Variants in THSD7B observed in about 807,000 individuals in gnomAD.
THSD7B encodes thrombospondin type 1 domain containing 7B, also known as thrombospondin type-1 domain-containing protein 7B.
Under a neutral mutation model 213.6 loss-of-function variants are expected in THSD7B, and 138 were observed. The ratio of observed to expected loss-of-function variants is 0.65; its 90% confidence interval spans 0.56 to 0.74. The LOEUF (loss-of-function observed/expected upper bound fraction) is 0.74. Among genes scored for constraint, THSD7B ranks in the 30% least tolerant of loss-of-function variants. The pLI, the probability that THSD7B is intolerant of heterozygous loss-of-function variation, is 0.00. For missense variants in THSD7B, 1,931 were observed against 1,991.5 expected (o/e 0.97, Z 0.58); for synonymous variants, 742 against 687.0 (o/e 1.08, Z -1.25).
intron 12 of THSD7B, among the ~76,000 whole-genome samples, chr2:137,342,102 G>A (rs554681118): frequency 6.6e-6 from 1 of 151,578 alleles, no homozygotes; most frequent in African/African-American, 2.4e-5. Context: ...TTTGGGTAGT[G>A]TGGACATTTT....
In THSD7B at chr2:137,138,903, C is replaced by T. The variant is rs796198166; in HGVS notation, c.1370-21310C>T. The stretch of plus-strand genomic sequence containing the variant: ...GCTCAGCAAGTCTTGGTGTCATTTG[C>T]AATATCTTATTTACCTCCTTTTGTT... On this transcript the variant is annotated intron_variant, in intron 5 of 27. Transcript: ENST00000409968. Among the ~76,000 whole-genome samples the T allele has an allele frequency of 5.3e-5, 8 of 152,208 alleles. No individual in the cohort carries two copies. In the East Asian group the frequency reaches 7.7e-4, roughly 15 times the overall value.
intron 1 of THSD7B, among the ~76,000 whole-genome samples, chr2:136,777,651 A>G (rs547069187): frequency 6.6e-6 from 1 of 152,324 alleles, no homozygotes; most frequent in South Asian, 2.1e-4. Flanking sequence ...CAAAATAACT[A>G]CTGAAGATTT....
At chr2:137,556,141 T>C (rs1680960472) in intron 15 of THSD7B, among the ~76,000 whole-genome samples, 1 of 151,990 alleles carries the variant, frequency 6.6e-6, no homozygotes. Flanking sequence ...CAGGAGAACT[T>C]CCCCAACCTA....
chr2:137,073,509 A>G lies in THSD7B; in HGVS notation c.950+16279A>G, dbSNP rs192743015. On this transcript the variant is annotated intron_variant, in intron 3 of 27. Coordinates refer to ENST00000409968, the MANE Select transcript of THSD7B (RefSeq NM_001316349.2). ...TTCTTAGTCTTGCTAGCGGTCTATCAATTTTGTTGATCGTTCAAAAAAACA... is the reference window on the plus strand; with the variant it reads ...TTCTTAGTCTTGCTAGCGGTCTATCGATTTTGTTGATCGTTCAAAAAAACA... Among the ~76,000 whole-genome samples, 894 of 152,134 alleles carry G rather than the reference A, an allele frequency of 5.9e-3. 6 individuals carry two copies. Among genetic ancestry groups the G allele is most frequent in the Non-Finnish European group, 7.4e-3 (502 of 67,986 alleles).
chr2:136,972,274 T>C (rs566454635), intron 2 of THSD7B, among the ~76,000 whole-genome samples: 6 of 152,302 alleles, frequency 3.9e-5, no homozygotes, highest in African/African-American at 1.4e-4. Flanking sequence ...AGTAGATAAC[T>C]TCCTAACATG....
intron 17 of THSD7B, among the ~76,000 whole-genome samples, chr2:137,588,132 C>T (rs180733147): frequency 6.6e-6 from 1 of 152,182 alleles, no homozygotes; most frequent in Non-Finnish European, 1.5e-5. Context: ...ACCCTCCGAG[C>T]CAGGCACGGG....
intron 14 of THSD7B, among the ~76,000 whole-genome samples, chr2:137,448,469 A>G (rs1022936432): frequency 1.3e-5 from 2 of 152,172 alleles, no homozygotes; most frequent in Non-Finnish European, 2.9e-5. Context: ...GGGGGGAACA[A>G]TAAGTTTGGT....
chr2:136,940,293 T>A lies in THSD7B; in HGVS notation c.139+57976T>A, dbSNP rs947212010. 1.4e-4 allele frequency among the ~76,000 whole-genome samples: 21 copies of A among 152,140 alleles called. 1 individual carries two copies. Among genetic ancestry groups the A allele is most frequent in the Admixed American group, 1.4e-3 (21 of 15,262 alleles). ...GTGGTATTTGACTTTCTAATTCACTTAAGATAATGGCCTCTACTTCCAACC... is the reference window on the plus strand; with the variant it reads ...GTGGTATTTGACTTTCTAATTCACTAAAGATAATGGCCTCTACTTCCAACC... On this transcript the variant is annotated intron_variant, in intron 2 of 27. Coordinates refer to ENST00000409968, the MANE Select transcript of THSD7B (RefSeq NM_001316349.2).
intron 12 of THSD7B, among the ~76,000 whole-genome samples, chr2:137,386,930 C>T (rs1685909112): frequency 6.6e-6 from 1 of 152,154 alleles, no homozygotes; most frequent in Admixed American, 6.5e-5. Context: ...CATACAGATC[C>T]TCGCTTTGTT....
At chr2:137,282,952 G>T (rs931637429) in intron 12 of THSD7B, among the ~76,000 whole-genome samples, 12 of 152,260 alleles carry the variant, frequency 7.9e-5, no homozygotes, top group Non-Finnish European at 1.6e-4. Context: ...AAAGTCATTG[G>T]TAGCTTGATG....
chr2:137,114,338 T>C (rs1417197260), intron 4 of THSD7B, among the ~76,000 whole-genome samples: 1 of 152,216 alleles, frequency 6.6e-6, no homozygotes, highest in African/African-American at 2.4e-5. Context: ...AAGGAAATTC[T>C]GCCTAAAATA....
chr2:137,463,087 C>T (rs1019871210), intron 15 of THSD7B, among the ~76,000 whole-genome samples: 2 of 152,098 alleles, frequency 1.3e-5, no homozygotes, highest in Non-Finnish European at 2.9e-5. Context: ...TTTGAGCTTG[C>T]TCTATTTCCT....
intron 6 of THSD7B, among the ~76,000 whole-genome samples, chr2:137,160,808 G>C (rs1680005586): frequency 6.6e-6 from 1 of 152,094 alleles, no homozygotes; most frequent in African/African-American, 2.4e-5. Flanking sequence ...ATTTTTAGTA[G>C]AGATGGGGTT....
At chr2:136,977,769 G>C (rs943332673) in intron 2 of THSD7B, among the ~76,000 whole-genome samples, 9 of 148,022 alleles carry the variant, frequency 6.1e-5, no homozygotes, top group African/African-American at 2.2e-4. Context: ...TAGTTGTGTG[G>C]TTTTGAATGA....
intron 15 of THSD7B, among the ~76,000 whole-genome samples, chr2:137,481,172 A>T (rs1448914): frequency 0.21 from 31,540 of 152,126 alleles, 3,508 homozygotes; most frequent in South Asian, 0.27. Flanking sequence ...ATAAGTTTCT[A>T]TTTTTTGAAT....
chr2:137,432,553 T>G (rs539393849), intron 14 of THSD7B, among the ~76,000 whole-genome samples: 2 of 152,320 alleles, frequency 1.3e-5, no homozygotes, highest in Admixed American at 6.5e-5. Context: ...TCTAGCCCCT[T>G]TCGTTCCTGT....
intron 12 of THSD7B, among the ~76,000 whole-genome samples, chr2:137,284,155 C>T (rs1237814205): frequency 6.6e-6 from 1 of 152,088 alleles, no homozygotes; most frequent in African/African-American, 2.4e-5. Flanking sequence ...GGAATTTATC[C>T]ATTTCTTCTA....
In THSD7B at chr2:137,048,577, T is replaced by C. The variant is rs1687009508; in HGVS notation, c.140-7843T>C. On this transcript the variant is annotated intron_variant, in intron 2 of 27. Transcript: ENST00000409968. ...CAGTTTTTGTCTCAGGCAAAATTAA[T>C]TCTTGAGTTGCGTAATGGTAAATGA... 1.3e-5 allele frequency among the ~76,000 whole-genome samples: 2 copies of C among 152,224 alleles called. 1 individual carries two copies. Among genetic ancestry groups the C allele is most frequent in the South Asian group, 4.1e-4 (2 of 4,830 alleles).
chr2:137,242,176 C>CTTTCT (rs1364459619), intron 9 of THSD7B, among the ~76,000 whole-genome samples: 1 of 152,124 alleles, frequency 6.6e-6, no homozygotes, highest in Non-Finnish European at 1.5e-5. Flanking sequence ...TGGTGAGACA[C>CTTTCT]TTTCTTGGCA....
Sources: gnomAD v4.1 joint callset for allele counts (sites outside exome capture counted in the v4.1 genomes callset) on GRCh38, gnomAD v4.1.1 for gene constraint, MANE v1.5 for transcripts, NCBI Gene and HGNC (gene_info 2026-07-23, HGNC 2026-07-21) for gene names.